Variants in DNAH11 observed in about 807,000 individuals in gnomAD.
The protein encoded by DNAH11 is axonemal beta dynein heavy chain 11.
In DNAH11, 442 loss-of-function variants were observed where a neutral mutation model predicts 526.0. The observed-to-expected ratio is 0.84, with a 90% CI of 0.78 to 0.91. The LOEUF is 0.91. DNAH11 is among the 40% of genes least tolerant of loss of function. DNAH11 has a pLI of 0.00. For missense variants in DNAH11, 6,989 were observed against 5,448.7 expected (o/e 1.28, Z -8.90); for synonymous variants, 2,461 against 1,935.9 (o/e 1.27, Z -7.12).
chr7:21,838,853 C>T (rs1329491171), intron 65 of DNAH11, among the ~76,000 whole-genome samples: 1 of 152,088 alleles, frequency 6.6e-6, no homozygotes, highest in African/African-American at 2.4e-5. Flanking sequence ...ACCTCAGCCT[C>T]CTAAGTAGCT....
chr7:21,623,176 AAAG>A (rs1281116277), intron 25 of DNAH11, among the ~76,000 whole-genome samples: 36 of 152,236 alleles, frequency 2.4e-4, no homozygotes, highest in African/African-American at 8.7e-4. Context: ...ACACTTCTCA[AAAG>A]AAGACATTTA....
chr7:21,825,701 A>G (rs1215189428), intron 65 of DNAH11, among the ~76,000 whole-genome samples: 1 of 152,050 alleles, frequency 6.6e-6, no homozygotes, highest in East Asian at 1.9e-4. Flanking sequence ...AAATGCTTAA[A>G]AAGTGCTTTG....
intron 32 of DNAH11, among the ~76,000 whole-genome samples, chr7:21,686,103 A>G (rs1305080038): frequency 6.6e-6 from 1 of 152,234 alleles, no homozygotes; most frequent in Non-Finnish European, 1.5e-5. Context: ...CATGCAATGG[A>G]TATAAAATGC....
chr7:21,601,038 A>T lies in DNAH11; in HGVS notation c.3284A>T (p.Gln1095Leu). ...GACATTTATGAAGCTTTGTATGTTC[A>T]AATGAGCAAATTTGAGGACTTTAGA... Reference protein sequence around the residue: ...QIDIYEALYVQMSKFEDFRVF... With the variant: ...QIDIYEALYVLMSKFEDFRVF... Residue 1095 changes from glutamine (Q) to leucine (L), a missense_variant, in exon 17 of 82, where the codon CAA (glutamine) becomes CTA (leucine). By Grantham distance (113) the Gln-to-Leu change is moderately radical. Transcript: ENST00000409508. 1 of 1,612,010 alleles carries T rather than the reference A, an allele frequency of 6.2e-7. No individual in the cohort carries two copies. Among genetic ancestry groups the T allele is most frequent in the Non-Finnish European group, 8.5e-7 (1 of 1,179,540 alleles).
intron 44 of DNAH11, among the ~76,000 whole-genome samples, chr7:21,725,322 G>A (rs1785056767): frequency 6.6e-6 from 1 of 152,162 alleles, no homozygotes; most frequent in Admixed American, 6.5e-5. Flanking sequence ...TGTAGGAATG[G>A]TATAGAGTTG....
chr7:21,739,888 A>G lies in DNAH11; in HGVS notation c.7914+215A>G, dbSNP rs9639394. Among the ~76,000 whole-genome samples, 76,503 of 152,048 alleles carry G rather than the reference A, an allele frequency of 0.5. 21,677 individuals carry two copies. The highest frequency in any genetic ancestry group is 0.64 in the Non-Finnish European group (43,646 of 67,960). Reference sequence around the variant, plus strand: ...TATATCAAAGTTTATAGCAAAATCAACTGGCAGTACAAATAATTCCTATGT... The same window carrying G: ...TATATCAAAGTTTATAGCAAAATCAGCTGGCAGTACAAATAATTCCTATGT... On this transcript the variant is annotated intron_variant, in intron 48 of 81. Coordinates refer to ENST00000409508, the MANE Select transcript of DNAH11 (RefSeq NM_001277115.2).
At chr7:21,751,023 T>C (rs1786389482) in intron 54 of DNAH11, among the ~76,000 whole-genome samples, 1 of 152,092 alleles carries the variant, frequency 6.6e-6, no homozygotes, top group African/African-American at 2.4e-5. Flanking sequence ...GAAAGGAATT[T>C]AGAAGTAACA....
intron 54 of DNAH11, among the ~76,000 whole-genome samples, chr7:21,755,229 TC>T (rs1490173770): frequency 1.3e-5 from 2 of 152,222 alleles, no homozygotes; most frequent in Non-Finnish European, 2.9e-5. Context: ...CAGATGTGTG[TC>T]CTTGGATTGC....
intron 45 of DNAH11, among the ~76,000 whole-genome samples, chr7:21,728,005 G>C: frequency 6.6e-6 from 1 of 151,948 alleles, no homozygotes; most frequent in East Asian, 1.9e-4. Context: ...TTCTCCTAAG[G>C]ACACCAGTCA....
At chr7:21,858,081 G>T (rs1245816700) in intron 68 of DNAH11, among the ~76,000 whole-genome samples, 1 of 152,114 alleles carries the variant, frequency 6.6e-6, no homozygotes, top group Non-Finnish European at 1.5e-5. Context: ...TCAGTAATAA[G>T]AGTTGAACAG....
intron 25 of DNAH11, among the ~76,000 whole-genome samples, chr7:21,621,556 T>C (rs925790175): frequency 2.0e-5 from 3 of 152,094 alleles, no homozygotes; most frequent in Non-Finnish European, 4.4e-5. Flanking sequence ...TGATGAACAT[T>C]GATGCAAAAA....
At chr7:21,633,417 C>T (rs1786712360) in intron 25 of DNAH11, among the ~76,000 whole-genome samples, 1 of 152,150 alleles carries the variant, frequency 6.6e-6, no homozygotes, top group Non-Finnish European at 1.5e-5. Flanking sequence ...TTGTTATCCC[C>T]TTCTATTACT....
chr7:21,704,329 A>C (rs1407222798), intron 37 of DNAH11, 105 bp from the exon 38 acceptor site: 2 of 1,141,666 alleles, frequency 1.8e-6, no homozygotes, highest in Non-Finnish European at 2.5e-6. Context: ...CAGTACCAAT[A>C]TCTCATGCTT....
intron 20 of DNAH11, among the ~76,000 whole-genome samples, chr7:21,611,871 A>C (rs1338876762): frequency 6.6e-6 from 1 of 152,200 alleles, no homozygotes; most frequent in Non-Finnish European, 1.5e-5. Flanking sequence ...ACATAACTCT[A>C]GTTATTTATA....
chr7:21,675,757 A>G (rs975033107), intron 30 of DNAH11, among the ~76,000 whole-genome samples: 2 of 152,222 alleles, frequency 1.3e-5, no homozygotes, highest in Admixed American at 6.5e-5. Flanking sequence ...CATAACACAG[A>G]ATGAGACAGA....
chr7:21,687,939 G>C (rs892424448), intron 34 of DNAH11, among the ~76,000 whole-genome samples: 2 of 152,086 alleles, frequency 1.3e-5, no homozygotes, highest in African/African-American at 4.8e-5. Flanking sequence ...GCATGTGCCT[G>C]TAGTCCCAGT....
At chr7:21,704,201 T>C (rs2128478962) in intron 37 of DNAH11, among the ~76,000 whole-genome samples, 1 of 152,358 alleles carries the variant, frequency 6.6e-6, no homozygotes, top group South Asian at 2.1e-4. Flanking sequence ...GGAAAAGGCC[T>C]CTTTGCTGTT....
intron 54 of DNAH11, among the ~76,000 whole-genome samples, chr7:21,763,857 C>G (rs146005488): frequency 0.011 from 1,693 of 150,170 alleles, 15 homozygotes; most frequent in Admixed American, 0.024. Flanking sequence ...GGAATATTTT[C>G]ATCTATAAAA....
chr7:21,698,380 A>T (rs1783937640), intron 36 of DNAH11, among the ~76,000 whole-genome samples, 167 bp downstream of exon 36: 1 of 152,148 alleles, frequency 6.6e-6, no homozygotes, highest in Non-Finnish European at 1.5e-5. Flanking sequence ...GGTTACATGG[A>T]TAAGTTCTTT....
Sources: gnomAD v4.1 joint callset for allele counts (sites outside exome capture counted in the v4.1 genomes callset) on GRCh38, gnomAD v4.1.1 for gene constraint, MANE v1.5 for transcripts, NCBI Gene and HGNC (gene_info 2026-07-23, HGNC 2026-07-21) for gene names.